The following CNGB3 variants were observed in gnomAD, a reference collection of about 807,000 sequenced individuals.
CNGB3 encodes cyclic nucleotide-gated channel beta-3.
A neutral mutation model predicts 92.8 loss-of-function variants in CNGB3; 86 were observed. The observed-to-expected ratio is 0.93, with a 90% CI of 0.78 to 1.11. CNGB3 has a LOEUF of 1.11. Ranked by LOEUF, CNGB3 falls within the 50% of genes least tolerant of loss-of-function variation. The pLI is 0.00. For missense variants in CNGB3, 1,026 were observed against 956.8 expected (o/e 1.07, Z -0.95); for synonymous variants, 333 against 332.7 (o/e 1.00, Z -0.01).
chr8:86,607,289 C>T (rs1822428933), intron 14 of CNGB3, among the ~76,000 whole-genome samples: 1 of 152,064 alleles, frequency 6.6e-6, no homozygotes, highest in South Asian at 2.1e-4. Flanking sequence ...GTAGACATTC[C>T]TCAGAGAATA....
intron 15 of CNGB3, among the ~76,000 whole-genome samples, chr8:86,601,291 G>T (rs1184358032): frequency 6.6e-6 from 1 of 152,124 alleles, no homozygotes; most frequent in Non-Finnish European, 1.5e-5. Context: ...TAAGACTTGG[G>T]ACTAAATGTA....
chr8:86,690,834 G>T (rs1824297194), intron 3 of CNGB3, among the ~76,000 whole-genome samples: 1 of 152,088 alleles, frequency 6.6e-6, no homozygotes, highest in Non-Finnish European at 1.5e-5. Context: ...CCCATTTCTT[G>T]TTTTTGTCAG....
chr8:86,676,696 G>A (rs1372172), intron 3 of CNGB3, among the ~76,000 whole-genome samples: 135,847 of 152,168 alleles, frequency 0.89, 60,920 homozygotes, highest in East Asian at 1. Flanking sequence ...GCCAACATTT[G>A]TGTCCACCTG....
chr8:86,578,760 T>C lies in CNGB3; in HGVS notation c.2032A>G (p.Thr678Ala). Residue 678 changes from threonine (T) to alanine (A), a missense_variant, in exon 17 of 18, where the codon ACT (threonine) becomes GCT (alanine). Physicochemically the swap from Thr to Ala is moderately conservative, Grantham distance 58. Transcript: ENST00000320005. ...PKEETPKLFK[T>A]LLGGTGKASL... The stretch of plus-strand genomic sequence containing the variant: ...GCTTTTCCTGTGCCTCCTAGGAGAG[T>C]TTTAAACAGTTTGGGTGTCTCTTCT... 1.2e-6 allele frequency: 2 copies of C among 1,613,894 alleles called. No homozygotes were observed. The highest frequency in any genetic ancestry group is 8.5e-7 in the Non-Finnish European group (1 of 1,179,958).
intron 3 of CNGB3, among the ~76,000 whole-genome samples, chr8:86,693,828 G>C: frequency 7.0e-6 from 1 of 143,246 alleles, no homozygotes; most frequent in African/African-American, 2.5e-5. Flanking sequence ...AAAATGAAAA[G>C]TCTCCCATGT....
At chr8:86,664,377 A>G (rs1260369665) in intron 6 of CNGB3, among the ~76,000 whole-genome samples, 1 of 152,204 alleles carries the variant, frequency 6.6e-6, no homozygotes, top group African/African-American at 2.4e-5. Context: ...AAAATTCTAC[A>G]TGGACCTAAG....
chr8:86,674,788 T>C (rs1823932054), intron 3 of CNGB3, among the ~76,000 whole-genome samples: 1 of 152,208 alleles, frequency 6.6e-6, no homozygotes, highest in Non-Finnish European at 1.5e-5. Context: ...GGTCTTGCTC[T>C]GCTGCCCAGG....
rs372277217 is a variant in CNGB3, at chr8:86,644,734, T to C, written c.991-48A>G. On this transcript the variant is annotated intron_variant, in intron 8 of 17. Coordinates refer to ENST00000320005, the MANE Select transcript of CNGB3 (RefSeq NM_019098.5). ...TCCAAAAGCATGTTAGTCTTAAATA[T>C]ATATATTTAAATAAAACTATATGAA... 9 of 1,205,404 alleles carry C rather than the reference T, an allele frequency of 7.5e-6. No homozygotes were observed. In the African/African-American group the frequency reaches 7.9e-5, roughly 11 times the overall value. 74.7% of individuals were successfully genotyped at this position (1,205,404 alleles called of 1,614,324 possible). A position where few individuals can be genotyped will look rare whatever the true frequency, so the allele number is the denominator to read the frequency against.
intron 15 of CNGB3, chr8:86,593,876 T>A: frequency 1.5e-6 from 1 of 682,354 alleles, no homozygotes; most frequent in South Asian, 1.5e-5. Flanking sequence ...CATAGCCAGG[T>A]CCTGCTTGCT....
At chr8:86,686,874 T>G (rs1351709747) in intron 3 of CNGB3, among the ~76,000 whole-genome samples, 1 of 152,052 alleles carries the variant, frequency 6.6e-6, no homozygotes, top group African/African-American at 2.4e-5. Context: ...GCAGGGAAAA[T>G]TCAAGTTTTG....
At chr8:86,661,552 T>C (rs1823640544) in intron 6 of CNGB3, 1 of 711,858 alleles carries the variant, frequency 1.4e-6, no homozygotes, top group South Asian at 1.4e-5. Context: ...TCTTCCTAAT[T>C]TTCTCTAATG....
chr8:86,585,325 A>C (rs1177942470), intron 15 of CNGB3, among the ~76,000 whole-genome samples: 1 of 151,664 alleles, frequency 6.6e-6, no homozygotes, highest in Non-Finnish European at 1.5e-5. Flanking sequence ...ATATATATAT[A>C]TATTTATATA....
At chr8:86,737,167 G>GA (rs1292587010) in intron 2 of CNGB3, among the ~76,000 whole-genome samples, 14 of 152,046 alleles carry the variant, frequency 9.2e-5, no homozygotes, top group African/African-American at 3.4e-4. Context: ...TCTGCATAGT[G>GA]AAAAAACAGA....
At chr8:86,609,806 C>T (rs1822483547) in intron 14 of CNGB3, among the ~76,000 whole-genome samples, 1 of 152,092 alleles carries the variant, frequency 6.6e-6, no homozygotes, top group Admixed American at 6.5e-5. Flanking sequence ...CAGCTCATGG[C>T]TCCAAGTCTT....
At chr8:86,638,370 T>C (rs866268234) in intron 10 of CNGB3, among the ~76,000 whole-genome samples, 1 of 152,256 alleles carries the variant, frequency 6.6e-6, no homozygotes, top group Middle Eastern at 3.4e-3. Flanking sequence ...CCCCATGTTA[T>C]CCTAACACCT....
intron 3 of CNGB3, among the ~76,000 whole-genome samples, chr8:86,721,495 A>G (rs1387267116): frequency 6.6e-6 from 1 of 152,144 alleles, no homozygotes; most frequent in Non-Finnish European, 1.5e-5. Context: ...AGAAATCATC[A>G]GTAAAGGACT....
rs574531845 is a variant in CNGB3, at chr8:86,666,819, A to G, written c.852+106T>C. On this transcript the variant is annotated intron_variant, in intron 6 of 17. Coordinates refer to ENST00000320005, the MANE Select transcript of CNGB3 (RefSeq NM_019098.5). ...TGCTCATGACTTCTTGCAATTATCC[A>G]TGCAGATAGCCAGTCAAACATTAAA... The G allele has an allele frequency of 4.5e-6, 4 of 888,150 alleles. No homozygotes were observed. The East Asian group carries it at 7.7e-5, about 17-fold the overall frequency. The allele number at this position is 888,150 out of a possible 1,614,324, so 55.0% of individuals were successfully genotyped here.
At chr8:86,577,038 G>C (rs1341938426) in intron 17 of CNGB3, among the ~76,000 whole-genome samples, 1 of 152,062 alleles carries the variant, frequency 6.6e-6, no homozygotes. Flanking sequence ...ATAATGACTA[G>C]GTTCAGAAAA....
At chr8:86,722,499 G>A (rs376082800) in intron 3 of CNGB3, among the ~76,000 whole-genome samples, 26 of 152,126 alleles carry the variant, frequency 1.7e-4, no homozygotes, top group African/African-American at 5.3e-4. Context: ...TGGAGATGGC[G>A]TGATGATTAA....
Sources: allele counts gnomAD v4.1 joint callset (sites outside exome capture counted in the v4.1 genomes callset), GRCh38; gene constraint gnomAD v4.1.1; transcripts MANE v1.5; gene names NCBI Gene and HGNC (gene_info 2026-07-23, HGNC 2026-07-21).